The following BRWD3 variants were observed in gnomAD, a reference collection of about 807,000 sequenced individuals.
The protein encoded by BRWD3 is bromodomain and WD repeat-containing protein 3.
BRWD3 carries 10 observed loss-of-function variants against 149.7 expected under a neutral mutation model. That is an observed-to-expected ratio of 0.07 (90% confidence interval 0.04 to 0.11). The LOEUF (loss-of-function observed/expected upper bound fraction) is 0.11. Ranked by LOEUF, BRWD3 falls within the 10% of genes least tolerant of loss-of-function variation. BRWD3 has a pLI of 1.00. For missense variants in BRWD3, 940 were observed against 1,373.2 expected (o/e 0.68, Z 4.99); for synonymous variants, 504 against 456.7 (o/e 1.10, Z -1.32).
intron 6 of BRWD3, among the ~76,000 whole-genome samples, chrX:80,760,732 A>G (rs2073793851): frequency 8.9e-6 from 1 of 111,977 alleles, no homozygotes; most frequent in Admixed American, 9.5e-5. Context: ...TAAAGATGTG[A>G]TTCTTTTCTT....
intron 20 of BRWD3, among the ~76,000 whole-genome samples, chrX:80,711,904 C>T (rs368861463): frequency 1.8e-5 from 2 of 111,553 alleles, no homozygotes; most frequent in South Asian, 7.7e-4. Flanking sequence ...AACCAGTAGC[C>T]TGGCCATCTT....
At chrX:80,730,467 G>C (rs768076815) in intron 12 of BRWD3, among the ~76,000 whole-genome samples, 1 of 108,377 alleles carries the variant, frequency 9.2e-6, no homozygotes, top group South Asian at 4.0e-4. Flanking sequence ...TAACACAGAT[G>C]AATCTTGAAT....
intron 14 of BRWD3, among the ~76,000 whole-genome samples, chrX:80,726,269 CATGTT>C (rs2073242166): frequency 1.0e-5 from 1 of 95,352 alleles, no homozygotes. Flanking sequence ...AACACGTTTA[CATGTT>C]ATGTCTGTAT....
At chrX:80,716,339 A>G in intron 19 of BRWD3, 89 bp from the exon 20 acceptor site, 2 of 742,752 alleles carry the variant, frequency 2.7e-6, no homozygotes, top group Non-Finnish European at 4.1e-6. Flanking sequence ...TTTTAAACAT[A>G]TAATTTGCCA....
intron 4 of BRWD3, among the ~76,000 whole-genome samples, chrX:80,797,117 A>G (rs987444054): frequency 8.9e-6 from 1 of 112,464 alleles, no homozygotes; most frequent in African/African-American, 3.2e-5. Context: ...GGCATTTCCT[A>G]AATATGACTA....
chrX:80,808,632 A>T lies in BRWD3; in HGVS notation c.121-34T>A, dbSNP rs768544775. ...CGGACGAAAAGAAAGGGGGAAGCGGAGGCAAATGATGAAGGAAAAGCCTCC... is the reference window on the plus strand; with the variant it reads ...CGGACGAAAAGAAAGGGGGAAGCGGTGGCAAATGATGAAGGAAAAGCCTCC... On this transcript the variant is annotated intron_variant, in intron 3 of 40. Transcript: ENST00000373275. The T allele has an allele frequency of 9.3e-6, 11 of 1,178,592 alleles. No homozygotes were observed. The East Asian group carries it at 1.8e-4, about 19-fold the overall frequency.
chrX:80,686,317 G>T (rs1252710887), intron 35 of BRWD3, among the ~76,000 whole-genome samples: 1 of 108,697 alleles, frequency 9.2e-6, no homozygotes, highest in Non-Finnish European at 1.9e-5. Context: ...TAATGTAAAT[G>T]ACGAGTTAAT....
intron 8 of BRWD3, among the ~76,000 whole-genome samples, chrX:80,741,456 C>G (rs751992937): frequency 8.9e-6 from 1 of 111,859 alleles, no homozygotes; most frequent in South Asian, 3.7e-4. Context: ...AATGGTATTT[C>G]TAGTTCCAAA....
intron 6 of BRWD3, among the ~76,000 whole-genome samples, chrX:80,756,068 G>GA (rs2073732612): frequency 9.0e-6 from 1 of 111,382 alleles, no homozygotes; most frequent in Non-Finnish European, 1.9e-5. Flanking sequence ...ACCTATTCAA[G>GA]AAAAATCTAA....
Position 80,709,362 on chromosome X carries a change from C to T in BRWD3, c.2475+66G>A, listed in dbSNP as rs1279858478. 3 of 1,020,017 alleles carry T rather than the reference C, an allele frequency of 2.9e-6. No individual in the cohort carries two copies. The African/African-American group carries it at 5.8e-5, about 20-fold the overall frequency. The allele number at this position is 1,020,017 out of a possible 1,213,427, so 84.1% of individuals were successfully genotyped here. A position where few individuals can be genotyped will look rare whatever the true frequency, so the allele number is the denominator to read the frequency against. On this transcript the variant is annotated intron_variant, in intron 21 of 40. Coordinates refer to ENST00000373275, the MANE Select transcript of BRWD3 (RefSeq NM_153252.5). ...TTCTATTAAAGAAGTGACCCTTAAA[C>T]CCAAATGGATGATACAAACTGGGAA...
chrX:80,720,658 G>T (rs2073136779), intron 17 of BRWD3, among the ~76,000 whole-genome samples: 1 of 111,678 alleles, frequency 9.0e-6, no homozygotes, highest in African/African-American at 3.3e-5. Context: ...TACATTTAGT[G>T]TAGCCTAAGT....
chrX:80,741,060 C>A (rs904260557), intron 8 of BRWD3, among the ~76,000 whole-genome samples: 1 of 110,497 alleles, frequency 9.1e-6, no homozygotes, highest in Non-Finnish European at 1.9e-5. Context: ...TCCATCCCCC[C>A]TCCCCCACCC....
chrX:80,704,873 C>A (rs780696008), intron 22 of BRWD3, 27 bp from the exon 23 acceptor site: 1 of 1,158,623 alleles, frequency 8.6e-7, no homozygotes, highest in East Asian at 3.0e-5. Context: ...ATTATGGATA[C>A]CTAAGTATAG....
intron 20 of BRWD3, among the ~76,000 whole-genome samples, chrX:80,711,143 G>A (rs1427378098): frequency 8.9e-6 from 1 of 111,767 alleles, no homozygotes; most frequent in African/African-American, 3.2e-5. Flanking sequence ...ATTTAGTTCT[G>A]CTCAAAAATC....
At chrX:80,787,456 T>G (rs765036770) in intron 6 of BRWD3, among the ~76,000 whole-genome samples, 85 of 109,953 alleles carry the variant, frequency 7.7e-4, no homozygotes, top group African/African-American at 2.6e-3. Context: ...GACAGCAGAG[T>G]CCAGAAAGAC....
intron 40 of BRWD3, among the ~76,000 whole-genome samples, chrX:80,680,809 TTTTA>T (rs1271240859): frequency 4.5e-5 from 5 of 110,132 alleles, no homozygotes; most frequent in Non-Finnish European, 9.5e-5. Context: ...ATTCCTTTTA[TTTTA>T]TTTATTTATT....
chrX:80,773,348 GC>G (rs1218307730), intron 6 of BRWD3, among the ~76,000 whole-genome samples: 1 of 110,969 alleles, frequency 9.0e-6, no homozygotes, highest in Non-Finnish European at 1.9e-5. Flanking sequence ...TTAGCCTTAT[GC>G]CCACCTCTGT....
intron 4 of BRWD3, among the ~76,000 whole-genome samples, chrX:80,804,907 T>G (rs1464803667): frequency 2.7e-5 from 3 of 112,162 alleles, no homozygotes; most frequent in Non-Finnish European, 5.6e-5. Context: ...ACTTCAAAAT[T>G]TTCCCTCTAT....
chrX:80,723,102 A>G (rs1030322829), intron 16 of BRWD3, among the ~76,000 whole-genome samples: 2 of 112,006 alleles, frequency 1.8e-5, no homozygotes, highest in African/African-American at 6.5e-5. Context: ...AAAATTACAC[A>G]AACCTATGTA....
Sources: allele counts gnomAD v4.1 joint callset (sites outside exome capture counted in the v4.1 genomes callset), GRCh38; gene constraint gnomAD v4.1.1; transcripts MANE v1.5; gene names NCBI Gene and HGNC (gene_info 2026-07-23, HGNC 2026-07-21).